The following SUSD1 variants were observed in gnomAD, a reference collection of about 807,000 sequenced individuals.
SUSD1 encodes sushi domain containing 1.
In SUSD1, 65 loss-of-function variants were observed where a neutral mutation model predicts 86.9. That is an observed-to-expected ratio of 0.75 (90% CI 0.61 to 0.92). The LOEUF is 0.92. Ranked by LOEUF, SUSD1 falls within the 40% of genes least tolerant of loss-of-function variation. The pLI, the probability that SUSD1 is intolerant of heterozygous loss-of-function variation, is 0.00. For missense variants in SUSD1, 850 were observed against 929.7 expected (o/e 0.91, Z 1.11); for synonymous variants, 346 against 350.0 (o/e 0.99, Z 0.13).
At chr9:112,152,302 CTT>C (rs1236069497) in intron 2 of SUSD1, among the ~76,000 whole-genome samples, 1 of 151,756 alleles carries the variant, frequency 6.6e-6, no homozygotes, top group African/African-American at 2.4e-5. Flanking sequence ...CTTATTGACT[CTT>C]TTGTAATAAT....
intron 10 of SUSD1, among the ~76,000 whole-genome samples, chr9:112,084,282 A>G (rs1252725402): frequency 6.6e-6 from 1 of 152,224 alleles, no homozygotes; most frequent in Non-Finnish European, 1.5e-5. Flanking sequence ...ATAAATTAGT[A>G]TACCTTTATG....
At chr9:112,101,821 G>C (rs147133894) in intron 9 of SUSD1, among the ~76,000 whole-genome samples, 1 of 152,162 alleles carries the variant, frequency 6.6e-6, no homozygotes, top group Non-Finnish European at 1.5e-5. Flanking sequence ...ACTCCAGCCT[G>C]GGCAACAAGA....
intron 10 of SUSD1, among the ~76,000 whole-genome samples, chr9:112,096,135 A>G (rs1830386716): frequency 6.6e-6 from 1 of 152,182 alleles, no homozygotes; most frequent in Non-Finnish European, 1.5e-5. Flanking sequence ...ATGCTACATT[A>G]TACTTACTAC....
chr9:112,143,742 ATTTG>A, intron 3 of SUSD1, 119 bp from the exon 4 acceptor site: 1 of 1,005,310 alleles, frequency 9.9e-7, no homozygotes, highest in Non-Finnish European at 1.4e-6. Flanking sequence ...AAAAAGATGC[ATTTG>A]TTTGCAATTG....
chr9:112,110,226 G>C (rs1299034014), intron 8 of SUSD1, among the ~76,000 whole-genome samples: 1 of 152,112 alleles, frequency 6.6e-6, no homozygotes, highest in East Asian at 1.9e-4. Context: ...GTGGATGCCT[G>C]TAATCCCAGC....
rs1034969282 is a variant in SUSD1, at chr9:112,136,379, G to A, written c.706+5941C>T. 5.3e-5 allele frequency among the ~76,000 whole-genome samples: 8 copies of A among 152,080 alleles called. No homozygotes were observed. The East Asian group carries it at 7.7e-4, about 15-fold the overall frequency. On this transcript the variant is annotated intron_variant, in intron 5 of 16. Transcript: ENST00000374270. ...ATCCTGAGCAGCTAGGACTACAGGC[G>A]CGTGCCATCATGCCCAGACAATGTT... is the stretch of plus-strand genomic sequence containing the variant.
intron 12 of SUSD1, among the ~76,000 whole-genome samples, chr9:112,067,911 C>T (rs1829062064): frequency 6.6e-6 from 1 of 152,088 alleles, no homozygotes; most frequent in Non-Finnish European, 1.5e-5. Context: ...TAGAAAATAG[C>T]TTTGGGGTAG....
chr9:112,157,535 T>C lies in SUSD1; in HGVS notation c.182A>G (p.Tyr61Cys), dbSNP rs768218342. 29 of 1,613,990 alleles carry C rather than the reference T, an allele frequency of 1.8e-5. No individual in the cohort carries two copies. The South Asian group carries it at 2.2e-4, about 12-fold the overall frequency. Residue 61 changes from tyrosine (Y) to cysteine (C), a missense_variant, in exon 2 of 17, where the codon TAT becomes TGT. Coordinates refer to ENST00000374270, the MANE Select transcript of SUSD1 (RefSeq NM_022486.5). ...REGKKICICN[Y>C]GFVGNGRTQC... ...AGTCCTCCCGTTCCCTACAAATCCA[T>C]AGTTGCAAATACAGATCTTCTTCCC...
chr9:112,143,381 C>T (rs1018307627), intron 4 of SUSD1, 90 bp downstream of exon 4: 2 of 1,364,926 alleles, frequency 1.5e-6, no homozygotes, highest in Non-Finnish European at 2.0e-6. Context: ...ATCACCTCCA[C>T]CTGCCTCCCC....
chr9:112,142,069 A>G (rs1376225695), intron 5 of SUSD1, among the ~76,000 whole-genome samples: 1 of 151,712 alleles, frequency 6.6e-6, no homozygotes, highest in Non-Finnish European at 1.5e-5. Context: ...CTAAAAATAC[A>G]AAGTGATCAA....
intron 12 of SUSD1, among the ~76,000 whole-genome samples, chr9:112,066,117 TC>T (rs2131512440): frequency 6.6e-6 from 1 of 152,262 alleles, no homozygotes; most frequent in African/African-American, 2.4e-5. Context: ...GACTCCAAAG[TC>T]TCCTTCGCTA....
chr9:112,082,884 A>G (rs1219371863), intron 10 of SUSD1, among the ~76,000 whole-genome samples: 1 of 151,734 alleles, frequency 6.6e-6, no homozygotes, highest in Admixed American at 6.6e-5. Context: ...CGTCCGGCTT[A>G]TTTTTTATTT....
chr9:112,169,515 G>T (rs1205442634), intron 1 of SUSD1: 1 of 152,122 alleles, frequency 6.6e-6, no homozygotes, highest in Admixed American at 6.6e-5. Context: ...AACCAGCAGT[G>T]GGGCCCCCAC....
chr9:112,126,455 A>G (rs935914534), intron 5 of SUSD1, among the ~76,000 whole-genome samples: 7 of 152,228 alleles, frequency 4.6e-5, no homozygotes, highest in African/African-American at 1.4e-4. Context: ...TTTTAAAAAA[A>G]AATTAATACC....
chr9:112,141,183 G>A lies in SUSD1; in HGVS notation c.706+1137C>T, dbSNP rs150283527. Among the ~76,000 whole-genome samples the A allele has an allele frequency of 2.0e-3, 303 of 152,286 alleles. 2 individuals are homozygous for A. The highest frequency in any genetic ancestry group is 6.8e-3 in the African/African-American group (282 of 41,548). On this transcript the variant is annotated intron_variant, in intron 5 of 16. Coordinates refer to ENST00000374270, the MANE Select transcript of SUSD1 (RefSeq NM_022486.5). The stretch of plus-strand genomic sequence containing the variant: ...AATGTACTTGCTGGCAGAGCAGTAA[G>A]TTTGTTTACACCAGCAATGCCACAA...
At chr9:112,138,062 A>C (rs963617070) in intron 5 of SUSD1, among the ~76,000 whole-genome samples, 1 of 150,066 alleles carries the variant, frequency 6.7e-6, no homozygotes, top group Admixed American at 6.7e-5. Flanking sequence ...ATCTCTACTA[A>C]AAATACAAAA....
At position 112,085,493 on chromosome 9, in the gene SUSD1, C is replaced by T. The variant is rs572609716; in HGVS notation, c.1475-5328G>A. ...ACACATAGAGGTGAAATAACTTGTCCGAAGTTACAGAGATAGTAAGTGGCA... is the reference window on the plus strand; with the variant it reads ...ACACATAGAGGTGAAATAACTTGTCTGAAGTTACAGAGATAGTAAGTGGCA... On this transcript the variant is annotated intron_variant, in intron 10 of 16. Transcript: ENST00000374270. 5.3e-5 allele frequency among the ~76,000 whole-genome samples: 8 copies of T among 152,216 alleles called. No individual in the cohort carries two copies. In the South Asian group the frequency reaches 1.5e-3, roughly 28 times the overall value.
chr9:112,144,156 C>T (rs1410968033), intron 3 of SUSD1, among the ~76,000 whole-genome samples: 1 of 151,982 alleles, frequency 6.6e-6, no homozygotes, highest in Non-Finnish European at 1.5e-5. Flanking sequence ...AGGAGAATCA[C>T]TTGAACCTAG....
At chr9:112,096,227 T>A (rs1422606418) in intron 10 of SUSD1, among the ~76,000 whole-genome samples, 1 of 152,160 alleles carries the variant, frequency 6.6e-6, no homozygotes, top group African/African-American at 2.4e-5. Flanking sequence ...TTTATTATAC[T>A]CATGCTAGAG....
Sources: gnomAD v4.1 joint callset for allele counts (sites outside exome capture counted in the v4.1 genomes callset) on GRCh38, gnomAD v4.1.1 for gene constraint, MANE v1.5 for transcripts, NCBI Gene and HGNC (gene_info 2026-07-23, HGNC 2026-07-21) for gene names.